Variants in SLC22A3 observed in about 807,000 individuals in gnomAD.
The protein encoded by SLC22A3 is EMT organic cation transporter 3.
SLC22A3 carries 51 observed loss-of-function variants against 59.1 expected under a neutral mutation model. That is an observed-to-expected ratio of 0.86 (90% CI 0.69 to 1.09). The LOEUF (loss-of-function observed/expected upper bound fraction) is 1.09, where lower values mean the gene tolerates loss of function less well. Ranked by LOEUF, SLC22A3 falls within the 50% of genes least tolerant of loss-of-function variation. SLC22A3 has a pLI of 0.00. For synonymous variants in SLC22A3, 325 were observed against 292.0 expected (o/e 1.11, Z -1.15); for missense variants, 711 against 726.3 (o/e 0.98, Z 0.24).
intron 5 of SLC22A3, among the ~76,000 whole-genome samples, chr6:160,432,062 T>A (rs1788168938): frequency 6.6e-6 from 1 of 152,208 alleles, no homozygotes; most frequent in Non-Finnish European, 1.5e-5. Context: ...AATTTCCTCA[T>A]TCATTCCTTG....
At chr6:160,438,180 G>A (rs1788419919) in intron 7 of SLC22A3, among the ~76,000 whole-genome samples, 1 of 152,152 alleles carries the variant, frequency 6.6e-6, no homozygotes, top group Admixed American at 6.5e-5. Context: ...TAGATGGGGT[G>A]CAGGCCAGAA....
At chr6:160,443,566 T>A in intron 8 of SLC22A3, 64 bp from the exon 9 acceptor site, 1 of 1,090,494 alleles carries the variant, frequency 9.2e-7, no homozygotes, top group Non-Finnish European at 1.4e-6. Context: ...TGTCTGAATA[T>A]GTTGATTATC....
intron 5 of SLC22A3, among the ~76,000 whole-genome samples, chr6:160,412,457 T>C (rs1787296344): frequency 6.6e-6 from 1 of 152,154 alleles, no homozygotes; most frequent in Admixed American, 6.6e-5. Flanking sequence ...TCCTCTCTCT[T>C]ATATTAAGTG....
rs1190604281 is a variant in SLC22A3 at position 160,452,311 on chromosome 6, AG to A, written c.*1257del. Reference sequence around the variant, plus strand: ...GGAAGAGCATTTTTCTAAGGAGAACAGGTGACAATATACACATGTGCGCTAA... The same window carrying A: ...GGAAGAGCATTTTTCTAAGGAGAACAGTGACAATATACACATGTGCGCTAA... On this transcript the variant is annotated 3_prime_UTR_variant, in exon 11 of 11. Transcript: ENST00000275300. 1 of 152,246 alleles carries A rather than the reference AG, an allele frequency of 6.6e-6. No homozygotes were observed. Among genetic ancestry groups the A allele is most frequent in the Non-Finnish European group, 1.5e-5 (1 of 68,040 alleles). 9.4% of individuals were successfully genotyped at this position (152,246 alleles called of 1,614,324 possible).
chr6:160,416,268 A>C (rs2114872061), intron 5 of SLC22A3, among the ~76,000 whole-genome samples: 1 of 152,312 alleles, frequency 6.6e-6, no homozygotes, highest in South Asian at 2.1e-4. Flanking sequence ...GAAAAATCCC[A>C]AAATCAAAAA....
intron 1 of SLC22A3, among the ~76,000 whole-genome samples, chr6:160,364,033 G>A (rs955410494): frequency 3.3e-5 from 5 of 152,098 alleles, no homozygotes; most frequent in African/African-American, 1.2e-4. Flanking sequence ...TTCATAAAAT[G>A]TATAATAATG....
rs1436328774 is a variant in SLC22A3 at position 160,395,267 on chromosome 6, T to G, written c.430-2712T>G. 5.3e-5 allele frequency among the ~76,000 whole-genome samples: 8 copies of G among 152,330 alleles called. No individual in the cohort carries two copies. In the East Asian group the frequency reaches 1.5e-3, roughly 29 times the overall value. On this transcript the variant is annotated intron_variant, in intron 1 of 10. Transcript: ENST00000275300. ...TATTTTATGGGTTTAAAGAATATTT[T>G]GGGGGCATTTTAATTCACATAGTTC... is the stretch of plus-strand genomic sequence containing the variant.
chr6:160,408,788 G>A lies in SLC22A3; in HGVS notation c.724G>A (p.Val242Met). The A allele has an allele frequency of 8.7e-6, 14 of 1,613,704 alleles. No individual in the cohort carries two copies. The highest frequency in any genetic ancestry group is 1.2e-5 in the Non-Finnish European group (14 of 1,179,768). ...AGTAGGTTCGAAACAAAGGAGGATT[G>A]TGGGAATCGTGATTCAAATGTTCTT... Reference protein sequence around the residue: ...EIVGSKQRRIVGIVIQMFFTL... With the variant: ...EIVGSKQRRIMGIVIQMFFTL... Residue 242 changes from valine (V) to methionine (M), a missense_variant, in exon 4 of 11, where the codon GTG (valine) becomes ATG (methionine). Val to Met is a conservative substitution (Grantham distance 21). Transcript: ENST00000275300.
At position 160,409,771 on chromosome 6, in the gene SLC22A3, C is replaced by T. The variant is rs142205202; in HGVS notation, c.857+850C>T. Among the ~76,000 whole-genome samples, 258 of 152,152 alleles carry T rather than the reference C, an allele frequency of 1.7e-3. 3 individuals carry two copies. The Middle Eastern group carries it at 0.027, about 16-fold the overall frequency. Reference sequence around the variant, plus strand: ...AAAATGAATTAATAAAATACCAGAACGCAAAATTTTAAGTAGGGTACTGCA... The same window carrying T: ...AAAATGAATTAATAAAATACCAGAATGCAAAATTTTAAGTAGGGTACTGCA... On this transcript the variant is annotated intron_variant, in intron 4 of 10. Coordinates refer to ENST00000275300, the MANE Select transcript of SLC22A3 (RefSeq NM_021977.4).
chr6:160,379,061 GGC>G (rs1365128591), intron 1 of SLC22A3, among the ~76,000 whole-genome samples: 1 of 152,192 alleles, frequency 6.6e-6, no homozygotes, highest in Non-Finnish European at 1.5e-5. Context: ...GACATTTTAT[GGC>G]GGCAGATTGC....
intron 1 of SLC22A3, among the ~76,000 whole-genome samples, chr6:160,361,166 G>A (rs1465956579): frequency 6.6e-6 from 1 of 152,136 alleles, no homozygotes; most frequent in Admixed American, 6.5e-5. Context: ...ATGGATTGTT[G>A]GCTAACTGAT....
intron 7 of SLC22A3, among the ~76,000 whole-genome samples, chr6:160,437,513 C>A (rs1788389420): frequency 6.6e-6 from 1 of 152,168 alleles, no homozygotes; most frequent in African/African-American, 2.4e-5. Flanking sequence ...TGTGATATCT[C>A]TGATGTTTAA....
chr6:160,406,754 GA>G (rs1443093923), intron 2 of SLC22A3, among the ~76,000 whole-genome samples: 1 of 152,096 alleles, frequency 6.6e-6, no homozygotes, highest in Non-Finnish European at 1.5e-5. Flanking sequence ...AAAAATGCTA[GA>G]AAGTGTCACA....
intron 1 of SLC22A3, among the ~76,000 whole-genome samples, chr6:160,353,608 TA>T (rs1784731804): frequency 6.6e-6 from 1 of 152,164 alleles, no homozygotes; most frequent in Non-Finnish European, 1.5e-5. Flanking sequence ...AAAGATGTTC[TA>T]TTCTCACACC....
In SLC22A3 at chr6:160,451,670, C is replaced by G. The variant is rs1283530136; in HGVS notation, c.*614C>G. ...CAGGAGTCCCTCCCGTCCACCTCCT[C>G]TGTAACAGCTGGGGTTCCAGGCATG... On this transcript the variant is annotated 3_prime_UTR_variant, in exon 11 of 11. Transcript: ENST00000275300. 1.3e-5 allele frequency: 2 copies of G among 153,242 alleles called. No homozygotes were observed. The highest frequency in any genetic ancestry group is 3.8e-4 in the East Asian group (2 of 5,222). 9.5% of individuals were successfully genotyped at this position (153,242 alleles called of 1,614,324 possible). A position where few individuals can be genotyped will look rare whatever the true frequency, so the allele number is the denominator to read the frequency against.
chr6:160,348,925 A>T (rs1295152938), intron 1 of SLC22A3, 77 bp downstream of exon 1: 56 of 1,532,598 alleles, frequency 3.7e-5, no homozygotes, highest in Non-Finnish European at 5.2e-6. Context: ...CGCGTGTGAG[A>T]CGCTGGCCGC....
At chr6:160,404,845 G>A in intron 2 of SLC22A3, among the ~76,000 whole-genome samples, 1 of 142,186 alleles carries the variant, frequency 7.0e-6, no homozygotes. Flanking sequence ...AAAGGTACTG[G>A]AACAACTGGA....
At chr6:160,407,973 T>C (rs565272323) in intron 3 of SLC22A3, among the ~76,000 whole-genome samples, 1 of 152,282 alleles carries the variant, frequency 6.6e-6, no homozygotes, top group South Asian at 2.1e-4. Flanking sequence ...CTGAAGACCT[T>C]TCTGTGAGTG....
intron 1 of SLC22A3, among the ~76,000 whole-genome samples, chr6:160,351,244 T>C (rs1000134703): frequency 1.3e-5 from 2 of 152,150 alleles, no homozygotes; most frequent in African/African-American, 4.8e-5. Flanking sequence ...GCCTCCCGAA[T>C]AGCTGGGACT....
Sources: allele counts gnomAD v4.1 joint callset (sites outside exome capture counted in the v4.1 genomes callset), GRCh38; gene constraint gnomAD v4.1.1; transcripts MANE v1.5; gene names NCBI Gene and HGNC (gene_info 2026-07-23, HGNC 2026-07-21).